NBPF3: variants seen among roughly 807,000 people sequenced by gnomAD.
NBPF3 encodes the protein NBPF family member NBPF3.
In NBPF3, 57 loss-of-function variants were observed where a neutral mutation model predicts 78.1. The observed-to-expected ratio is 0.73, with a 90% CI of 0.59 to 0.91. The LOEUF (loss-of-function observed/expected upper bound fraction) is 0.91, where lower values mean the gene tolerates loss of function less well. Among genes scored for constraint, NBPF3 ranks in the 40% least tolerant of loss-of-function variants. The pLI, the probability that NBPF3 is intolerant of heterozygous loss-of-function variation, is 0.00. For missense variants in NBPF3, 510 were observed against 715.3 expected, an observed-to-expected ratio of 0.71 and a Z score of 3.27; for synonymous variants, 182 against 271.7, an observed-to-expected ratio of 0.67 and a Z score of 3.25.
chr1:21,471,484 TGTC>T, intron 4 of NBPF3, 82 bp from the exon 5 acceptor site: 1 of 1,600,282 alleles, frequency 6.2e-7, no homozygotes, highest in East Asian at 2.2e-5. Flanking sequence ...TTGAGGACAT[TGTC>T]TCAGAAATCT....
At chr1:21,479,818 C>G (rs867881097) in intron 10 of NBPF3, among the ~76,000 whole-genome samples, 1,694 of 43,744 alleles carry the variant, frequency 0.039, 29 homozygotes, top group African/African-American at 0.071. Flanking sequence ...CTCTCTCTCT[C>G]TCTGTGTGTG....
chr1:21,459,579 A>T (rs962718485), intron 2 of NBPF3, among the ~76,000 whole-genome samples: 3 of 152,180 alleles, frequency 2.0e-5, no homozygotes, highest in Non-Finnish European at 4.4e-5. Flanking sequence ...AATGTCCCCC[A>T]AAATTAAAAT....
Position 21,470,711 on chromosome 1 carries a change from G to T in NBPF3, c.423G>T (p.Glu141Asp). Reference sequence around the variant, plus strand: ...TCACAGAAGAGAAGCTTGCAGAGGAGCTCGGGCAAGCTGAGGAGCTCAGGT... The same window carrying T: ...TCACAGAAGAGAAGCTTGCAGAGGATCTCGGGCAAGCTGAGGAGCTCAGGT... ...RLLTEEKLAE[E>D]LGQAEELRQY... Residue 141 changes from glutamate (E) to aspartate (D), a missense_variant, in exon 4 of 15, where the codon GAG becomes GAT. By Grantham distance (45) the Glu-to-Asp change is conservative. This residue lies in a region of NBPF3 where 440 missense variants were observed against 478.2 expected (regional missense o/e 0.92). Coordinates refer to ENST00000318249, the MANE Select transcript of NBPF3 (RefSeq NM_032264.6). 8 of 1,598,818 alleles carry T rather than the reference G, an allele frequency of 5.0e-6. No homozygotes were observed. The highest frequency in any genetic ancestry group is 6.8e-6 in the Non-Finnish European group (8 of 1,170,162).
chr1:21,478,854 A>G (rs1452994621), intron 9 of NBPF3, among the ~76,000 whole-genome samples: 1 of 152,160 alleles, frequency 6.6e-6, no homozygotes, highest in African/African-American at 2.4e-5. Context: ...TGTTTTCTAG[A>G]TAAATGGCTG....
chr1:21,446,515 TTCTC>T (rs1640989034), intron 2 of NBPF3: 1 of 139,802 alleles, frequency 7.2e-6, no homozygotes, highest in African/African-American at 2.6e-5. Flanking sequence ...CCAACTCTCT[TTCTC>T]TTTATTCTTT....
At chr1:21,455,993 G>A (rs1040983724) in intron 2 of NBPF3, among the ~76,000 whole-genome samples, 3 of 152,160 alleles carry the variant, frequency 2.0e-5, no homozygotes, top group African/African-American at 7.2e-5. Flanking sequence ...TTAGGAATAA[G>A]TGTCACACTT....
intron 9 of NBPF3, among the ~76,000 whole-genome samples, chr1:21,478,562 C>T (rs1200107341): frequency 6.6e-6 from 1 of 152,268 alleles, no homozygotes; most frequent in African/African-American, 2.4e-5. Context: ...ACACTGAACA[C>T]AAGACGGGCG....
intron 2 of NBPF3, chr1:21,446,577 TC>T (rs1640997145): frequency 8.2e-6 from 1 of 121,404 alleles, no homozygotes; most frequent in Non-Finnish European, 1.7e-5. Flanking sequence ...CCTCCTTCCC[TC>T]CCTCCCTCCC....
At chr1:21,457,253 C>G (rs1302017111) in intron 2 of NBPF3, among the ~76,000 whole-genome samples, 1 of 150,934 alleles carries the variant, frequency 6.6e-6, no homozygotes. Flanking sequence ...CTATCGTTAT[C>G]TCCAAACAGG....
upstream of NBPF3, chr1:21,437,531 A>C: frequency 7.1e-7 from 1 of 1,405,738 alleles, no homozygotes; most frequent in Non-Finnish European, 9.5e-7. Context: ...GCTCCTGAGC[A>C]GGTGCTGGGG....
chr1:21,479,328 C>T (rs772713971), intron 9 of NBPF3, 21 bp from the exon 10 acceptor site: 6 of 1,609,158 alleles, frequency 3.7e-6, no homozygotes, highest in Non-Finnish European at 5.1e-6. Context: ...TGTAAGAGGC[C>T]CTGTCTGAAT....
intron 3 of NBPF3, 143 bp downstream of exon 3, chr1:21,469,040 T>C: frequency 1.4e-6 from 1 of 740,480 alleles, no homozygotes; most frequent in East Asian, 2.7e-5. Context: ...TCACATTTTG[T>C]TAAATTGGGA....
chr1:21,446,588 C>T (rs372470456), intron 2 of NBPF3: 2 of 146,182 alleles, frequency 1.4e-5, no homozygotes, highest in African/African-American at 2.5e-5. Flanking sequence ...CCCTCCCTCC[C>T]TTCTTTCCTT....
At chr1:21,446,790 G>A (rs191734164) in intron 2 of NBPF3, among the ~76,000 whole-genome samples, 4 of 151,968 alleles carry the variant, frequency 2.6e-5, no homozygotes, top group Admixed American at 2.6e-4. Context: ...TTTGATTTGT[G>A]GGTGCCACTG....
rs764242986 is a variant in NBPF3, at chr1:21,471,726, GA to G, written c.606del (p.Glu202AspfsTer172). The G allele has an allele frequency of 1.9e-6, 3 of 1,613,526 alleles. No homozygotes were observed. The highest frequency in any genetic ancestry group is 1.7e-4 in the Middle Eastern group (1 of 5,784). On this transcript the variant is annotated frameshift_variant, in exon 5 of 15. Coordinates refer to ENST00000318249, the MANE Select transcript of NBPF3 (RefSeq NM_032264.6). LOFTEE classifies it high-confidence loss of function. ...CAACTCCCAGGGACGGGACCTCCGAGAACAGCTGGCTGAGGGATGTAGGCTG... is the reference window on the plus strand; with the variant it reads ...CAACTCCCAGGGACGGGACCTCCGAGACAGCTGGCTGAGGGATGTAGGCTG... ...PDNSQGRDLR[E>X]QLAEGCRLAQ...
intron 10 of NBPF3, among the ~76,000 whole-genome samples, chr1:21,479,820 CTGTGTGTG>C (rs59451117): frequency 3.9e-5 from 4 of 102,886 alleles, no homozygotes; most frequent in South Asian, 4.6e-4. Context: ...CTCTCTCTCT[CTGTGTGTG>C]TGTGTGTGTG....
chr1:21,445,674 C>T (rs4654746), intron 2 of NBPF3, among the ~76,000 whole-genome samples: 3 of 151,998 alleles, frequency 2.0e-5, no homozygotes, highest in African/African-American at 4.8e-5. Flanking sequence ...AGATGTGTCT[C>T]GTTTTAGGCA....
chr1:21,443,296 G>T (rs1314500818), intron 1 of NBPF3, among the ~76,000 whole-genome samples: 1 of 152,154 alleles, frequency 6.6e-6, no homozygotes, highest in Non-Finnish European at 1.5e-5. Flanking sequence ...AGATGTGTTG[G>T]GCGTTCAGGC....
chr1:21,438,065 C>T (rs921929166), upstream of NBPF3, among the ~76,000 whole-genome samples: 2 of 152,006 alleles, frequency 1.3e-5, no homozygotes, highest in African/African-American at 4.8e-5. Flanking sequence ...GGTGATCCTC[C>T]CGCCTGGGCC....
Sources: gnomAD v4.1 joint callset for allele counts (sites outside exome capture counted in the v4.1 genomes callset) on GRCh38, gnomAD v4.1.1 for gene constraint, gnomAD v4.1.1 regional missense constraint, MANE v1.5 for transcripts, NCBI Gene and HGNC (gene_info 2026-07-23, HGNC 2026-07-21) for gene names.